Variants in MPHOSPH9 observed in about 807,000 individuals in gnomAD.
MPHOSPH9 encodes the protein M-phase phosphoprotein 9.
A neutral mutation model predicts 145.5 loss-of-function variants in MPHOSPH9; 88 were observed. The observed-to-expected ratio is 0.60, with a 90% confidence interval of 0.51 to 0.72. The LOEUF (loss-of-function observed/expected upper bound fraction) is 0.72. MPHOSPH9 is among the 30% of genes least tolerant of loss of function. The pLI, the probability that MPHOSPH9 is intolerant of heterozygous loss-of-function variation, is 0.00. For missense variants in MPHOSPH9, 1,238 were observed against 1,386.6 expected (o/e 0.89, Z 1.70); for synonymous variants, 435 against 486.2 (o/e 0.89, Z 1.39).
chr12:123,162,540 G>A (rs1326690615), intron 20 of MPHOSPH9: 3 of 185,714 alleles, frequency 1.6e-5, no homozygotes, highest in Non-Finnish European at 2.2e-5. Flanking sequence ...ACTCATCTCC[G>A]CAAGAGCCTG....
At chr12:123,195,251 G>A (rs1332225804) in intron 12 of MPHOSPH9, among the ~76,000 whole-genome samples, 1 of 152,024 alleles carries the variant, frequency 6.6e-6, no homozygotes, top group Non-Finnish European at 1.5e-5. Flanking sequence ...CAACATTTAG[G>A]GAGGAGAAAA....
At chr12:123,158,636 A>ATT (rs974594410) in intron 23 of MPHOSPH9, among the ~76,000 whole-genome samples, 1 of 145,934 alleles carries the variant, frequency 6.9e-6, no homozygotes, top group East Asian at 2.0e-4. Context: ...CTCTATCTCA[A>ATT]TTTTTTTTTT....
rs539699043 is a variant in MPHOSPH9, at chr12:123,185,826, A to T, written c.2242-4616T>A. On this transcript the variant is annotated intron_variant, in intron 13 of 23. Coordinates refer to ENST00000606320, the MANE Select transcript of MPHOSPH9 (RefSeq NM_022782.4). ...AAAGCAAAAAACAATACATCTATAA[A>T]GGATATTATTTAGACAACTGGCAAC... is the stretch of plus-strand genomic sequence containing the variant. 2.6e-5 allele frequency among the ~76,000 whole-genome samples: 4 copies of T among 152,274 alleles called. No individual in the cohort carries two copies. The East Asian group carries it at 7.7e-4, about 29-fold the overall frequency.
chr12:123,221,404 C>T lies in MPHOSPH9; in HGVS notation c.840G>A (p.Lys280=), dbSNP rs762767934. The change falls in exon 5 of 24, where the codon AAG becomes AAA. Residue 280 remains lysine (K), a synonymous_variant. Coordinates refer to ENST00000606320, the MANE Select transcript of MPHOSPH9 (RefSeq NM_022782.4). ...EFEHNFLGEN[K]VSEVYSGKTN... Reference sequence around the variant, plus strand: ...TTTTCCCACTGTATACTTCAGAAACCTTATTTTCACCAAGAAAATTATGTT... The same window carrying T: ...TTTTCCCACTGTATACTTCAGAAACTTTATTTTCACCAAGAAAATTATGTT... 3.1e-6 allele frequency: 5 copies of T among 1,608,132 alleles called. No homozygotes were observed. The highest frequency in any genetic ancestry group is 1.7e-5 in the Admixed American group (1 of 58,524).
intron 13 of MPHOSPH9, among the ~76,000 whole-genome samples, chr12:123,181,976 A>G (rs185814909): frequency 2.9e-4 from 43 of 150,796 alleles, no homozygotes; most frequent in Admixed American, 1.1e-3. Context: ...TTTTCTTTAG[A>G]TGGAGTCGCT....
intron 6 of MPHOSPH9, among the ~76,000 whole-genome samples, chr12:123,216,022 G>A (rs2046941172): frequency 6.6e-6 from 1 of 152,164 alleles, no homozygotes; most frequent in African/African-American, 2.4e-5. Flanking sequence ...CAGATCACGA[G>A]GTCAGGAGAT....
intron 12 of MPHOSPH9, 70 bp downstream of exon 12, chr12:123,198,177 A>T: frequency 8.6e-7 from 1 of 1,167,906 alleles, no homozygotes; most frequent in Non-Finnish European, 1.3e-6. Flanking sequence ...AAGACAAGAA[A>T]CATAACTGAT....
rs2047279735 is a variant in MPHOSPH9, at chr12:123,223,047, G to A, written c.339C>T (p.Asn113=). ...QIVAQQEQFH[N]QIQHIQEEIK... ...GTAAATGGTAACTTACTTGAATTTGGTTGTGGAACTGCTCCTGCTGGGCAA... is the reference window on the plus strand; with the variant it reads ...GTAAATGGTAACTTACTTGAATTTGATTGTGGAACTGCTCCTGCTGGGCAA... The change falls in exon 4 of 24, where the codon AAC becomes AAT. Residue 113 remains asparagine, a synonymous_variant. Coordinates refer to ENST00000606320, the MANE Select transcript of MPHOSPH9 (RefSeq NM_022782.4). The A allele has an allele frequency of 6.6e-7, 1 of 1,516,322 alleles. No individual in the cohort carries two copies. The highest frequency in any genetic ancestry group is 8.8e-7 in the Non-Finnish European group (1 of 1,137,734). 93.9% of individuals were successfully genotyped at this position (1,516,322 alleles called of 1,614,324 possible).
chr12:123,219,009 C>T (rs2047087484), intron 5 of MPHOSPH9, among the ~76,000 whole-genome samples: 1 of 151,876 alleles, frequency 6.6e-6, no homozygotes, highest in Non-Finnish European at 1.5e-5. Context: ...CTCAGGTGAT[C>T]CTCCCACCTC....
At chr12:123,208,973 C>T (rs1175483147) in intron 8 of MPHOSPH9, among the ~76,000 whole-genome samples, 1 of 152,134 alleles carries the variant, frequency 6.6e-6, no homozygotes, top group Non-Finnish European at 1.5e-5. Context: ...CGCTCTGTCA[C>T]CCAGGCTGGA....
chr12:123,223,227 C>T (rs2047288153), intron 3 of MPHOSPH9, 100 bp from the exon 4 acceptor site: 1 of 682,310 alleles, frequency 1.5e-6, no homozygotes, highest in South Asian at 3.5e-5. Context: ...AGGTCATGAT[C>T]CATCCCAAAT....
intron 4 of MPHOSPH9, among the ~76,000 whole-genome samples, chr12:123,222,328 A>G (rs2047238598): frequency 6.6e-6 from 1 of 151,094 alleles, no homozygotes; most frequent in Admixed American, 6.6e-5. Flanking sequence ...TTGTCTCAAA[A>G]AAAAAAAAAA....
At chr12:123,197,440 A>T (rs1163314785) in intron 12 of MPHOSPH9, among the ~76,000 whole-genome samples, 1 of 151,964 alleles carries the variant, frequency 6.6e-6, no homozygotes, top group Non-Finnish European at 1.5e-5. Context: ...CCAAAGTGCT[A>T]GGATTACTGA....
intron 13 of MPHOSPH9, among the ~76,000 whole-genome samples, chr12:123,190,545 T>C (rs1315862384): frequency 6.6e-6 from 1 of 152,158 alleles, no homozygotes; most frequent in East Asian, 1.9e-4. Flanking sequence ...CAAATGTAAA[T>C]GTTTAAATTA....
rs1271033795 is a variant in MPHOSPH9, at chr12:123,189,510, A to T, written c.2241+4876T>A. Reference sequence around the variant, plus strand: ...ACAGCAATGACAAACTGGCAAAAGGAAAGTGGATAAATATACTATGGAAGA... The same window carrying T: ...ACAGCAATGACAAACTGGCAAAAGGTAAGTGGATAAATATACTATGGAAGA... On this transcript the variant is annotated intron_variant, in intron 13 of 23. Transcript: ENST00000606320. Among the ~76,000 whole-genome samples the T allele has an allele frequency of 2.6e-5, 4 of 152,210 alleles. No homozygotes were observed. The East Asian group carries it at 7.7e-4, about 29-fold the overall frequency.
downstream of MPHOSPH9, chr12:123,152,480 C>T (rs1472009874): frequency 2.3e-6 from 1 of 437,624 alleles, no homozygotes; most frequent in Non-Finnish European, 4.6e-6. Context: ...CTGTAAAAAG[C>T]ACATTTCTCA....
At chr12:123,178,419 T>A (rs1024713541) in intron 15 of MPHOSPH9, among the ~76,000 whole-genome samples, 3 of 152,234 alleles carry the variant, frequency 2.0e-5, no homozygotes, top group African/African-American at 7.2e-5. Flanking sequence ...CTATGAGAAC[T>A]CCTTAAGACT....
At chr12:123,204,133 T>A (rs184325396) in intron 8 of MPHOSPH9, among the ~76,000 whole-genome samples, 1 of 152,118 alleles carries the variant, frequency 6.6e-6, no homozygotes, top group Non-Finnish European at 1.5e-5. Flanking sequence ...AGAAACCCTG[T>A]CTCTACTAAA....
rs748727770 is a variant in MPHOSPH9, at chr12:123,203,220, G to A, written c.1320+30C>T. 1.1e-5 allele frequency: 17 copies of A among 1,610,204 alleles called. No homozygotes were observed. In the Admixed American group the frequency reaches 1.4e-4, roughly 13 times the overall value. ...GTTAGAGTCAGGAAGCATTGTTCAC[G>A]TTCACTCGGCAGAATGTGGACAACT... is the stretch of plus-strand genomic sequence containing the variant. On this transcript the variant is annotated intron_variant, in intron 9 of 23. Coordinates refer to ENST00000606320, the MANE Select transcript of MPHOSPH9 (RefSeq NM_022782.4).
Sources: allele counts gnomAD v4.1 joint callset (sites outside exome capture counted in the v4.1 genomes callset), GRCh38; gene constraint gnomAD v4.1.1; transcripts MANE v1.5; gene names NCBI Gene and HGNC (gene_info 2026-07-23, HGNC 2026-07-21).